NLGN1: variants seen among roughly 807,000 people sequenced by gnomAD.
NLGN1 encodes neuroligin 1, also known as neuroligin-1.
A neutral mutation model predicts 65.5 loss-of-function variants in NLGN1; 12 were observed. The observed-to-expected ratio is 0.18, with a 90% CI of 0.12 to 0.30. The LOEUF is 0.30. NLGN1 is among the 10% of genes least tolerant of loss of function. The probability of loss-of-function intolerance (pLI) is 1.00; values close to 1 mark genes in which losing one functional copy is unlikely to be tolerated. For missense variants in NLGN1, 750 were observed against 1,007.1 expected (o/e 0.74, Z 3.46); for synonymous variants, 350 against 359.5 (o/e 0.97, Z 0.30).
At chr3:173,872,081 G>A (rs1173608190) in intron 4 of NLGN1, among the ~76,000 whole-genome samples, 1 of 152,104 alleles carries the variant, frequency 6.6e-6, no homozygotes, top group Non-Finnish European at 1.5e-5. Flanking sequence ...AGGTCACGAG[G>A]GATGCACTGG....
chr3:173,690,193 A>G (rs1429329792), intron 3 of NLGN1, among the ~76,000 whole-genome samples: 2 of 152,214 alleles, frequency 1.3e-5, no homozygotes, highest in African/African-American at 2.4e-5. Context: ...GCGTGGATTC[A>G]GGTTAGAACG....
chr3:174,198,559 A>T (rs892727452), intron 4 of NLGN1, among the ~76,000 whole-genome samples: 3 of 152,234 alleles, frequency 2.0e-5, no homozygotes, highest in Non-Finnish European at 4.4e-5. Context: ...TTTCTGGCAG[A>T]ATATGAGGAT....
At chr3:174,281,566 A>AAGTT (rs1358946265) in exon 7 of NLGN1, 8 of 366,886 alleles carry the variant, frequency 2.2e-5, no homozygotes, top group Non-Finnish European at 3.9e-5. Flanking sequence ...TTGAAGATTT[A>AAGTT]AGTTACATAA....
chr3:173,672,413 T>C (rs537637641), intron 3 of NLGN1, among the ~76,000 whole-genome samples: 167 of 152,286 alleles, frequency 1.1e-3, no homozygotes, highest in African/African-American at 3.9e-3. Flanking sequence ...TTGCATAAGG[T>C]TATTGTTTAC....
At chr3:173,426,027 A>G (rs184941493) in intron 1 of NLGN1, among the ~76,000 whole-genome samples, 2 of 152,108 alleles carry the variant, frequency 1.3e-5, no homozygotes, top group Admixed American at 1.3e-4. Flanking sequence ...TATAGTTTTT[A>G]TGGCAGAGCT....
At chr3:173,699,442 A>T (rs1283735959) in intron 3 of NLGN1, among the ~76,000 whole-genome samples, 2 of 152,176 alleles carry the variant, frequency 1.3e-5, no homozygotes, top group Non-Finnish European at 2.9e-5. Context: ...TGATATTCTT[A>T]TTCAAATGTG....
At chr3:173,629,926 A>G (rs1399296978) in intron 3 of NLGN1, among the ~76,000 whole-genome samples, 1 of 152,310 alleles carries the variant, frequency 6.6e-6, no homozygotes, top group East Asian at 1.9e-4. Context: ...AAACTTTTAA[A>G]AAAGATAGTG....
intron 4 of NLGN1, among the ~76,000 whole-genome samples, chr3:174,241,099 A>AGAG (rs1221437729): frequency 1.3e-5 from 2 of 152,204 alleles, no homozygotes; most frequent in African/African-American, 2.4e-5. Flanking sequence ...CTTAGTTTCA[A>AGAG]GAGTTTAAAA....
At chr3:173,843,808 A>G (rs963417536) in intron 4 of NLGN1, among the ~76,000 whole-genome samples, 1 of 151,852 alleles carries the variant, frequency 6.6e-6, no homozygotes, top group Admixed American at 6.6e-5. Flanking sequence ...AACTGTTCCA[A>G]CCTCTGCCTA....
chr3:174,217,385 C>G (rs1294928376), intron 4 of NLGN1, among the ~76,000 whole-genome samples: 1 of 152,108 alleles, frequency 6.6e-6, no homozygotes, highest in East Asian at 1.9e-4. Context: ...CCTGCCCTGA[C>G]AAAATACCAT....
At chr3:173,899,459 AAAT>A (rs1736936257) in intron 4 of NLGN1, among the ~76,000 whole-genome samples, 1 of 152,154 alleles carries the variant, frequency 6.6e-6, no homozygotes, top group South Asian at 2.1e-4. Flanking sequence ...AATTCTCGTT[AAAT>A]GAGTCTAGCT....
At chr3:174,108,942 A>C (rs2152609869) in intron 4 of NLGN1, among the ~76,000 whole-genome samples, 1 of 152,064 alleles carries the variant, frequency 6.6e-6, no homozygotes, top group South Asian at 2.1e-4. Flanking sequence ...GTGTATGTGA[A>C]ATATATATAG....
intron 4 of NLGN1, among the ~76,000 whole-genome samples, chr3:173,884,359 C>T (rs886533437): frequency 6.6e-6 from 1 of 152,136 alleles, no homozygotes; most frequent in African/African-American, 2.4e-5. Flanking sequence ...CCTAGTCTTA[C>T]AGTGTTATCC....
intron 3 of NLGN1, among the ~76,000 whole-genome samples, chr3:173,787,025 C>T (rs898921726): frequency 3.3e-5 from 5 of 151,444 alleles, no homozygotes; most frequent in African/African-American, 1.2e-4. Flanking sequence ...TGCAGTGAGC[C>T]GACATCACGC....
chr3:173,471,996 A>G (rs2148929989), intron 2 of NLGN1, among the ~76,000 whole-genome samples: 1 of 152,274 alleles, frequency 6.6e-6, no homozygotes, highest in East Asian at 1.9e-4. Context: ...TTATTAAGGT[A>G]GAAGTGCTGG....
rs531692775 is a variant in NLGN1, at chr3:174,269,941, G to GTGTT, written c.647-5372_647-5369dup. Among the ~76,000 whole-genome samples the GTGTT allele has an allele frequency of 1.8e-3, 268 of 151,826 alleles. 1 individual carries two copies. Among genetic ancestry groups the GTGTT allele is most frequent in the African/African-American group, 6.0e-3 (248 of 41,490 alleles). On this transcript the variant is annotated intron_variant, in intron 4 of 6. Coordinates refer to ENST00000457714, the Ensembl canonical transcript of NLGN1. ...TTAGTGATGTTGAATATCTTTTCAT[G>GTGTT]TGTTTATTGTCCATTTGTATATCAT...
intron 4 of NLGN1, among the ~76,000 whole-genome samples, chr3:174,203,591 A>G (rs1561283131): frequency 1.3e-5 from 2 of 152,292 alleles, no homozygotes; most frequent in East Asian, 3.9e-4. Flanking sequence ...TGATACATTC[A>G]GGGCACCCAC....
chr3:174,147,448 T>C (rs1489479185), intron 4 of NLGN1, among the ~76,000 whole-genome samples: 8 of 122,520 alleles, frequency 6.5e-5, no homozygotes, highest in African/African-American at 3.5e-4. Flanking sequence ...TTTTTTTTTT[T>C]TTGAGACAGA....
At chr3:173,467,301 A>C (rs1246272177) in intron 2 of NLGN1, among the ~76,000 whole-genome samples, 1 of 152,076 alleles carries the variant, frequency 6.6e-6, no homozygotes, top group East Asian at 1.9e-4. Flanking sequence ...ATTGTTATCG[A>C]TAGTAATTTA....
Sources: allele counts gnomAD v4.1 joint callset (sites outside exome capture counted in the v4.1 genomes callset), GRCh38; gene constraint gnomAD v4.1.1; transcripts MANE v1.5; gene names NCBI Gene and HGNC (gene_info 2026-07-23, HGNC 2026-07-21).